The following CSMD1 variants were observed in gnomAD, a reference collection of about 807,000 sequenced individuals.
The protein encoded by CSMD1 is CUB and Sushi multiple domains 1.
In CSMD1, 213 loss-of-function variants were observed where a neutral mutation model predicts 417.5. The ratio of observed to expected loss-of-function variants is 0.51; its 90% CI spans 0.46 to 0.57. The LOEUF is 0.57. CSMD1 is among the 20% of genes least tolerant of loss of function. The pLI is 0.00. For synonymous variants in CSMD1, 2,862 were observed against 1,736.8 expected (o/e 1.65, Z -16.11); for missense variants, 6,923 against 4,529.7 (o/e 1.53, Z -15.17).
chr8:3,007,618 G>A (rs1383936913), intron 52 of CSMD1, among the ~76,000 whole-genome samples: 2 of 151,414 alleles, frequency 1.3e-5, no homozygotes, highest in African/African-American at 2.5e-5. Context: ...CGTGTCCTTC[G>A]TAGGGACATG....
chr8:2,959,529 A>C (rs1396485785), intron 62 of CSMD1, among the ~76,000 whole-genome samples: 1 of 152,032 alleles, frequency 6.6e-6, no homozygotes, highest in Non-Finnish European at 1.5e-5. Context: ...ATTTACTGGC[A>C]GAAAGAAAAT....
intron 5 of CSMD1, among the ~76,000 whole-genome samples, chr8:3,870,328 C>T (rs897876097): frequency 6.6e-6 from 1 of 152,094 alleles, no homozygotes; most frequent in Non-Finnish European, 1.5e-5. Context: ...TTTATTTTTA[C>T]TATGATGATT....
At chr8:3,986,182 T>A (rs1444791176) in intron 5 of CSMD1, among the ~76,000 whole-genome samples, 1 of 152,114 alleles carries the variant, frequency 6.6e-6, no homozygotes, top group African/African-American at 2.4e-5. Context: ...GCCCTTTTAT[T>A]TTAAGCTGCC....
At chr8:4,424,791 G>A (rs999122876) in intron 2 of CSMD1, among the ~76,000 whole-genome samples, 2 of 152,040 alleles carry the variant, frequency 1.3e-5, no homozygotes, top group African/African-American at 2.4e-5. Flanking sequence ...ATTCGGTTGT[G>A]TAATTATTAT....
At chr8:3,726,797 T>C (rs1802524366) in intron 6 of CSMD1, among the ~76,000 whole-genome samples, 1 of 152,086 alleles carries the variant, frequency 6.6e-6, no homozygotes, top group Non-Finnish European at 1.5e-5. Flanking sequence ...TGGAAATGAG[T>C]TGTGCAAATA....
chr8:3,108,663 C>A lies in CSMD1; in HGVS notation c.6694G>T (p.Val2232Phe). Residue 2232 changes from valine to phenylalanine, a missense_variant, in exon 44 of 70, where the codon GTC (valine) becomes TTC (phenylalanine). Transcript: ENST00000635120. The part of the protein sequence containing the change: ...LETAYSSTNQ[V>F]LLKFHSDFSN... ...AAGTCGCTGTGGAACTTGAGCAGGA[C>A]TTGGTTGGTGGAGCTATACGCCGTT... 1 of 1,613,786 alleles carries A rather than the reference C, an allele frequency of 6.2e-7. No homozygotes were observed.
chr8:3,539,838 T>C (rs1486302529), intron 10 of CSMD1, among the ~76,000 whole-genome samples: 1 of 151,796 alleles, frequency 6.6e-6, no homozygotes, highest in Non-Finnish European at 1.5e-5. Context: ...TAAGGTGCCG[T>C]GGAAAATCTG....
At chr8:4,192,091 A>G (rs931277471) in intron 3 of CSMD1, among the ~76,000 whole-genome samples, 2 of 152,176 alleles carry the variant, frequency 1.3e-5, no homozygotes, top group African/African-American at 4.8e-5. Context: ...ACAGAAAACC[A>G]AAAACGTGGG....
intron 3 of CSMD1, among the ~76,000 whole-genome samples, chr8:4,185,387 AC>A (rs1563240024): frequency 1.3e-5 from 2 of 152,080 alleles, no homozygotes; most frequent in Non-Finnish European, 2.9e-5. Context: ...CTTTTAAAGT[AC>A]CCAGAATAGT....
chr8:4,429,132 A>T (rs763762229), intron 2 of CSMD1, among the ~76,000 whole-genome samples: 1 of 151,454 alleles, frequency 6.6e-6, no homozygotes, highest in African/African-American at 2.4e-5. Context: ...TTTCTATGAA[A>T]ACTGATATAT....
chr8:3,524,514 C>G (rs1485458478), intron 10 of CSMD1, among the ~76,000 whole-genome samples: 1 of 151,282 alleles, frequency 6.6e-6, no homozygotes, highest in Non-Finnish European at 1.5e-5. Flanking sequence ...CACAGATGCA[C>G]ACATGCAAAG....
intron 26 of CSMD1, among the ~76,000 whole-genome samples, chr8:3,240,972 A>C (rs566379231): frequency 1.3e-5 from 2 of 151,622 alleles, no homozygotes. Context: ...GGCATTGAGC[A>C]GGGTAAGGGT....
At chr8:2,986,363 C>T (rs1247172352) in intron 54 of CSMD1, among the ~76,000 whole-genome samples, 1 of 152,106 alleles carries the variant, frequency 6.6e-6, no homozygotes, top group African/African-American at 2.4e-5. Context: ...GGAAGTCGAG[C>T]ATGAACTGTA....
chr8:3,438,338 C>A (rs1814708943), intron 12 of CSMD1, among the ~76,000 whole-genome samples: 1 of 152,166 alleles, frequency 6.6e-6, no homozygotes, highest in African/African-American at 2.4e-5. Context: ...CACCAGTATA[C>A]TGACGTTGAA....
intron 5 of CSMD1, among the ~76,000 whole-genome samples, chr8:3,969,495 C>G (rs1328464224): frequency 1.3e-5 from 2 of 152,042 alleles, no homozygotes; most frequent in African/African-American, 4.8e-5. Flanking sequence ...TTTTTTTCCC[C>G]TTTCCCTTGT....
intron 3 of CSMD1, among the ~76,000 whole-genome samples, chr8:4,173,127 G>C (rs1029268175): frequency 6.6e-6 from 1 of 152,106 alleles, no homozygotes; most frequent in Non-Finnish European, 1.5e-5. Context: ...TAACTATACA[G>C]TGCAACAAGT....
chr8:3,277,909 T>C (rs1316611225), intron 26 of CSMD1, among the ~76,000 whole-genome samples: 1 of 152,230 alleles, frequency 6.6e-6, no homozygotes, highest in Non-Finnish European at 1.5e-5. Flanking sequence ...GACAATTTTA[T>C]ACAGTTCAAA....
At chr8:4,278,579 C>T (rs1041372755) in intron 3 of CSMD1, among the ~76,000 whole-genome samples, 2 of 152,158 alleles carry the variant, frequency 1.3e-5, no homozygotes, top group African/African-American at 4.8e-5. Flanking sequence ...TAACATATGC[C>T]TATTTTTAGA....
At chr8:4,158,121 C>T (rs1022213184) in intron 3 of CSMD1, among the ~76,000 whole-genome samples, 2 of 150,948 alleles carry the variant, frequency 1.3e-5, no homozygotes, top group Admixed American at 6.6e-5. Flanking sequence ...AGCTTAAGAT[C>T]CCTGCAGTCC....
Sources: gnomAD v4.1 joint callset for allele counts (sites outside exome capture counted in the v4.1 genomes callset) on GRCh38, gnomAD v4.1.1 for gene constraint, MANE v1.5 for transcripts, NCBI Gene and HGNC (gene_info 2026-07-23, HGNC 2026-07-21) for gene names.